SYNJ2BP: variants seen among roughly 807,000 people sequenced by gnomAD.
The protein encoded by SYNJ2BP is synaptojanin 2 binding protein, also known as synaptojanin-2-binding protein.
A neutral mutation model predicts 16.9 loss-of-function variants in SYNJ2BP; 10 were observed. That is an observed-to-expected ratio of 0.59 (90% CI 0.36 to 1.00). The LOEUF is 1.00. Among genes scored for constraint, SYNJ2BP ranks in the 50% least tolerant of loss-of-function variants. The pLI is 0.01. For synonymous variants in SYNJ2BP, 54 were observed against 68.4 expected, an observed-to-expected ratio of 0.79 and a Z score of 1.04; for missense variants, 162 against 186.7, an observed-to-expected ratio of 0.87 and a Z score of 0.77.
At chr14:70,411,475 A>C (rs1015517796) in intron 1 of SYNJ2BP, among the ~76,000 whole-genome samples, 2 of 152,200 alleles carry the variant, frequency 1.3e-5, no homozygotes, top group African/African-American at 4.8e-5. Context: ...TTCCATACTA[A>C]CACTAAAGAC....
intron 1 of SYNJ2BP, among the ~76,000 whole-genome samples, chr14:70,412,661 C>A (rs979738546): frequency 1.3e-5 from 2 of 150,060 alleles, no homozygotes; most frequent in Admixed American, 1.3e-4. Context: ...GACAATACCT[C>A]CTTTAGTATT....
rs910969513 is a variant in SYNJ2BP at position 70,368,038 on chromosome 14, T to C, written c.*4953A>G. 6.6e-6 allele frequency: 1 copy of C among 152,194 alleles called. No homozygotes were observed. Among genetic ancestry groups the C allele is most frequent in the Non-Finnish European group, 1.5e-5 (1 of 68,026 alleles). The allele number at this position is 152,194 out of a possible 1,614,324, so 9.4% of individuals were successfully genotyped here. A position where few individuals can be genotyped will look rare whatever the true frequency, so the allele number is the denominator to read the frequency against. On this transcript the variant is annotated 3_prime_UTR_variant, in exon 4 of 4. Coordinates refer to ENST00000256366, the MANE Select transcript of SYNJ2BP (RefSeq NM_018373.3). ...ATCTGTATGGGCTCCACATGAAAACTACATGAACTTCACTTCCCCACATAC... is the reference window on the plus strand; with the variant it reads ...ATCTGTATGGGCTCCACATGAAAACCACATGAACTTCACTTCCCCACATAC...
chr14:70,387,920 G>A (rs1887895931), intron 2 of SYNJ2BP, among the ~76,000 whole-genome samples: 2 of 151,752 alleles, frequency 1.3e-5, no homozygotes, highest in Non-Finnish European at 2.9e-5. Context: ...GTATGTCTTC[G>A]TAGAGACATT....
intron 2 of SYNJ2BP, among the ~76,000 whole-genome samples, chr14:70,376,963 A>G (rs968683999): frequency 6.6e-6 from 1 of 152,192 alleles, no homozygotes; most frequent in African/African-American, 2.4e-5. Flanking sequence ...TCTCTTGCCA[A>G]TACAGTTGGT....
chr14:70,382,722 T>G (rs566074994), intron 2 of SYNJ2BP, among the ~76,000 whole-genome samples: 1 of 152,308 alleles, frequency 6.6e-6, no homozygotes, highest in South Asian at 2.1e-4. Context: ...TGCTAGAAAA[T>G]TTCGCTGACT....
intron 1 of SYNJ2BP, among the ~76,000 whole-genome samples, chr14:70,415,664 T>A (rs1047567582): frequency 2.0e-5 from 3 of 152,184 alleles, no homozygotes; most frequent in Non-Finnish European, 4.4e-5. Context: ...ATTAAGCTAC[T>A]GCAGAACTGC....
rs1887423332 is a variant in SYNJ2BP, at chr14:70,367,694, T to G, written c.*5297A>C. 6.6e-6 allele frequency: 1 copy of G among 151,912 alleles called. No individual in the cohort carries two copies. The highest frequency in any genetic ancestry group is 2.4e-5 in the African/African-American group (1 of 41,356). The allele number at this position is 151,912 out of a possible 1,614,324, so 9.4% of individuals were successfully genotyped here. On this transcript the variant is annotated 3_prime_UTR_variant, in exon 4 of 4. Coordinates refer to ENST00000256366, the MANE Select transcript of SYNJ2BP (RefSeq NM_018373.3). ...TGCTGGTCTCAAAAAGATTTGCAGT[T>G]AAAAGAGGAACAGCAAAAAAGACTT...
intron 1 of SYNJ2BP, among the ~76,000 whole-genome samples, chr14:70,415,367 AG>A (rs1319289089): frequency 6.6e-6 from 1 of 151,842 alleles, no homozygotes; most frequent in Non-Finnish European, 1.5e-5. Context: ...TGGGCAACGT[AG>A]TGAAACATCG....
chr14:70,416,309 T>C (rs2139458708), intron 1 of SYNJ2BP, among the ~76,000 whole-genome samples: 1 of 124,660 alleles, frequency 8.0e-6, no homozygotes, highest in South Asian at 2.5e-4. Context: ...GATTTAACTT[T>C]TTATTTTCTT....
At chr14:70,399,737 C>CA (rs1167751385) in intron 1 of SYNJ2BP, among the ~76,000 whole-genome samples, 1 of 152,068 alleles carries the variant, frequency 6.6e-6, no homozygotes, top group Admixed American at 6.5e-5. Flanking sequence ...TTCATGCTGA[C>CA]AGAGGGTGTT....
intron 2 of SYNJ2BP, among the ~76,000 whole-genome samples, chr14:70,377,447 C>T (rs933664857): frequency 3.3e-5 from 5 of 152,216 alleles, no homozygotes; most frequent in African/African-American, 1.2e-4. Context: ...TTGCTGAACT[C>T]CTTAATAAAC....
In SYNJ2BP at chr14:70,376,100, T is replaced by C. The variant is rs1887624185; in HGVS notation, c.202-329A>G. Among the ~76,000 whole-genome samples the C allele has an allele frequency of 3.3e-5, 5 of 152,248 alleles. 1 individual carries two copies. The highest frequency in any genetic ancestry group is 4.1e-4 in the South Asian group (2 of 4,832). The stretch of plus-strand genomic sequence containing the variant: ...AGCATTTCTTCCATGAGTGTTAACC[T>C]GCTTCCTTAAAGATAGCATGGTCTT... On this transcript the variant is annotated intron_variant, in intron 2 of 3. Transcript: ENST00000256366.
At chr14:70,390,935 A>C (rs1001315751) in intron 1 of SYNJ2BP, among the ~76,000 whole-genome samples, 2 of 151,958 alleles carry the variant, frequency 1.3e-5, no homozygotes. Context: ...GGAGTTCGAG[A>C]CCAGCCTGGG....
At chr14:70,388,342 G>T in intron 2 of SYNJ2BP, 128 bp downstream of exon 2, 8 of 1,310,836 alleles carry the variant, frequency 6.1e-6, no homozygotes, top group Non-Finnish European at 7.8e-6. Flanking sequence ...GATCAAAGTT[G>T]TTCCCATTCA....
rs200859033 is a variant in SYNJ2BP, at chr14:70,401,485, G to C, written c.65-12879C>G. Among the ~76,000 whole-genome samples, 14 of 145,546 alleles carry C rather than the reference G, an allele frequency of 9.6e-5. No homozygotes were observed. In the East Asian group the frequency reaches 1.3e-3, roughly 13 times the overall value. ...AGGCTATCTTTTGTGGGGGGGAAAG[G>C]ACTTTCTGCTTTTTTCCTCTCTTGG... On this transcript the variant is annotated intron_variant, in intron 1 of 3. Transcript: ENST00000256366.
intron 1 of SYNJ2BP, among the ~76,000 whole-genome samples, chr14:70,414,433 G>C (rs1171704376): frequency 6.6e-6 from 1 of 152,126 alleles, no homozygotes; most frequent in Non-Finnish European, 1.5e-5. Flanking sequence ...CCTTTAATTA[G>C]TCCTTGAAGC....
Position 70,417,023 on chromosome 14 carries a change from G to A in SYNJ2BP, c.-60C>T, listed in dbSNP as rs1042342049. ...GCTGGAGTGCAGCACAGGTGAAGGT[G>A]AATCAATCTCGGCGCTGCGCCCACA... On this transcript the variant is annotated 5_prime_UTR_variant, in exon 1 of 4. Transcript: ENST00000256366. The A allele has an allele frequency of 1.2e-6, 2 of 1,612,416 alleles. No homozygotes were observed. Among genetic ancestry groups the A allele is most frequent in the Admixed American group, 3.3e-5 (2 of 59,848 alleles).
intron 1 of SYNJ2BP, among the ~76,000 whole-genome samples, chr14:70,411,105 T>C (rs531234246): frequency 2.0e-5 from 3 of 151,960 alleles, no homozygotes; most frequent in South Asian, 4.2e-4. Context: ...AGAAAGCATA[T>C]AGAAAAAAAA....
intron 1 of SYNJ2BP, among the ~76,000 whole-genome samples, chr14:70,409,194 C>G (rs983081753): frequency 5.3e-5 from 8 of 152,184 alleles, no homozygotes; most frequent in Admixed American, 2.0e-4. Flanking sequence ...GGATTACAGG[C>G]AAGAGCCACA....
Sources: gnomAD v4.1 joint callset for allele counts (sites outside exome capture counted in the v4.1 genomes callset) on GRCh38, gnomAD v4.1.1 for gene constraint, MANE v1.5 for transcripts, NCBI Gene and HGNC (gene_info 2026-07-23, HGNC 2026-07-21) for gene names.